The following RARRES1 variants were observed in gnomAD, a reference collection of about 807,000 sequenced individuals.
The protein encoded by RARRES1 is retinoic acid receptor responder protein 1.
RARRES1 carries 34 observed loss-of-function variants against 30.6 expected under a neutral mutation model. That is an observed-to-expected ratio of 1.11 (90% confidence interval 0.84 to 1.48). RARRES1 has a LOEUF of 1.48. RARRES1 is among the 40% of genes most tolerant of loss of function. RARRES1 has a pLI of 0.00. For synonymous variants in RARRES1, 153 were observed against 155.5 expected (o/e 0.98, Z 0.12); for missense variants, 373 against 386.5 (o/e 0.97, Z 0.29).
intron 3 of RARRES1, chr3:158,705,519 T>C (rs1179140839): frequency 6.6e-6 from 1 of 152,336 alleles, no homozygotes; most frequent in Non-Finnish European, 1.5e-5. Context: ...CTCTTCACAG[T>C]AGCCTTGAAT....
chr3:158,702,357 T>C (rs1726762137), intron 4 of RARRES1, among the ~76,000 whole-genome samples: 1 of 152,206 alleles, frequency 6.6e-6, no homozygotes, highest in South Asian at 2.1e-4. Flanking sequence ...GCTTTTTAAC[T>C]TTCTAGTTAC....
intron 3 of RARRES1, among the ~76,000 whole-genome samples, chr3:158,708,008 C>T (rs1726980969): frequency 6.6e-6 from 1 of 152,148 alleles, no homozygotes; most frequent in Admixed American, 6.5e-5. Flanking sequence ...GGAGCTGTGA[C>T]TATTTTTACA....
At position 158,704,205 on chromosome 3, in the gene RARRES1, C is replaced by T. The variant is rs1038287764; in HGVS notation, c.672+586G>A. Among the ~76,000 whole-genome samples the T allele has an allele frequency of 6.4e-4, 89 of 139,130 alleles. 1 individual carries two copies. Among genetic ancestry groups the T allele is most frequent in the African/African-American group, 2.4e-3 (88 of 37,312 alleles). 91.3% of individuals were successfully genotyped at this position (139,130 alleles called of 152,430 possible). ...CCACCAGGCCTTGCCTAGAATATTG[C>T]AATACTTTTTTTTTTTTTTTTTTTT... is the stretch of plus-strand genomic sequence containing the variant. On this transcript the variant is annotated intron_variant, in intron 4 of 5. Transcript: ENST00000237696.
At chr3:158,724,205 G>A (rs1197276634) in intron 1 of RARRES1, among the ~76,000 whole-genome samples, 2 of 152,166 alleles carry the variant, frequency 1.3e-5, no homozygotes, top group African/African-American at 2.4e-5. Context: ...GGCATATGTC[G>A]GGCAGAATGG....
intron 1 of RARRES1, among the ~76,000 whole-genome samples, chr3:158,722,881 C>CAAAAAA (rs140630533): frequency 9.1e-6 from 1 of 110,134 alleles, no homozygotes; most frequent in South Asian, 3.1e-4. Context: ...GACTCCATCT[C>CAAAAAA]AAAAAAAAAA....
At chr3:158,701,262 G>A (rs984342902) in intron 4 of RARRES1, among the ~76,000 whole-genome samples, 18 of 152,040 alleles carry the variant, frequency 1.2e-4, no homozygotes, top group African/African-American at 4.3e-4. Context: ...TCTTGGCACT[G>A]TCCTCATAGT....
chr3:158,731,354 G>A (rs1727880300), intron 1 of RARRES1, among the ~76,000 whole-genome samples: 1 of 152,202 alleles, frequency 6.6e-6, no homozygotes, highest in Admixed American at 6.5e-5. Context: ...TGTAGAAGGA[G>A]CAACTTTGCT....
intron 1 of RARRES1, among the ~76,000 whole-genome samples, chr3:158,718,775 C>T (rs1727405689): frequency 6.6e-6 from 1 of 152,208 alleles, no homozygotes; most frequent in Non-Finnish European, 1.5e-5. Context: ...TGGTCTTGCC[C>T]AGGGATGCTC....
At chr3:158,716,158 T>A (rs2108144149) in intron 1 of RARRES1, among the ~76,000 whole-genome samples, 1 of 152,260 alleles carries the variant, frequency 6.6e-6, no homozygotes, top group African/African-American at 2.4e-5. Flanking sequence ...CGGAGGCCAT[T>A]CATGAGATGA....
chr3:158,732,377 G>C lies in RARRES1; in HGVS notation c.39C>G (p.Ser13=). ...CGGTGGGGCGCGGGCCCCTGGGCCC[G>C]GACCAGGGAGCAGGCAGCCGTTGCC... The part of the protein sequence containing the change: ...PRRQRLPAPW[S]GPRGPRPTAP... Residue 13 remains serine (S), a synonymous_variant, in exon 1 of 6, where the codon TCC becomes TCG. Transcript: ENST00000237696. 1 of 1,494,890 alleles carries C rather than the reference G, an allele frequency of 6.7e-7. No homozygotes were observed. Among genetic ancestry groups the C allele is most frequent in the Non-Finnish European group, 8.9e-7 (1 of 1,128,128 alleles). 92.6% of individuals were successfully genotyped at this position (1,494,890 alleles called of 1,614,324 possible).
At chr3:158,705,668 T>C (rs1726896946) in intron 3 of RARRES1, 1 of 152,214 alleles carries the variant, frequency 6.6e-6, no homozygotes, top group Admixed American at 6.5e-5. Flanking sequence ...CCTTCTGGTT[T>C]AGGTCTACAG....
intron 1 of RARRES1, among the ~76,000 whole-genome samples, chr3:158,717,405 C>A (rs78847582): frequency 6.6e-6 from 1 of 152,248 alleles, no homozygotes; most frequent in Middle Eastern, 3.4e-3. Flanking sequence ...GAGAATTGGT[C>A]TAGTCTAGGG....
At chr3:158,700,225 A>G (rs6779431) in intron 4 of RARRES1, among the ~76,000 whole-genome samples, 80,266 of 143,802 alleles carry the variant, frequency 0.56, 22,004 homozygotes, top group African/African-American at 0.66. Context: ...GTGTGTGTGT[A>G]TATATATATA....
chr3:158,732,182 G>T lies in RARRES1; in HGVS notation c.234C>A (p.Ser78Arg). The T allele has an allele frequency of 7.1e-7, 1 of 1,417,004 alleles. No homozygotes were observed. The highest frequency in any genetic ancestry group is 9.2e-7 in the Non-Finnish European group (1 of 1,091,812). The allele number at this position is 1,417,004 out of a possible 1,614,324, so 87.8% of individuals were successfully genotyped here. A position where few individuals can be genotyped will look rare whatever the true frequency, so the allele number is the denominator to read the frequency against. Residue 78 changes from serine (S) to arginine (R), a missense_variant, in exon 1 of 6, where the codon AGC becomes AGA. Transcript: ENST00000237696. ...GCACCTCGGCCAGCACTCGTAGCGC[G>T]CTGGGCGAGCCGGACCGGAAGTTGA... is the stretch of plus-strand genomic sequence containing the variant. ...HFFNFRSGSP[S>R]ALRVLAEVQE...
At chr3:158,704,003 C>T (rs1726821606) in intron 4 of RARRES1, among the ~76,000 whole-genome samples, 1 of 152,060 alleles carries the variant, frequency 6.6e-6, no homozygotes, top group Admixed American at 6.6e-5. Flanking sequence ...CTCCTATAAG[C>T]TTCCCCAATC....
intron 1 of RARRES1, among the ~76,000 whole-genome samples, chr3:158,720,268 G>GTGTGTGTGTGTA (rs1210592268): frequency 7.0e-6 from 1 of 143,316 alleles, no homozygotes; most frequent in African/African-American, 2.6e-5. Flanking sequence ...GTGTGTGTAT[G>GTGTGTGTGTGTA]TGTGTGAGAG....
At chr3:158,716,046 G>C (rs1727312709) in intron 1 of RARRES1, among the ~76,000 whole-genome samples, 1 of 152,228 alleles carries the variant, frequency 6.6e-6, no homozygotes, top group Non-Finnish European at 1.5e-5. Context: ...GCACCTGGGA[G>C]TCTGCCTGTC....
At position 158,732,402 on chromosome 3, in the gene RARRES1, C is replaced by T. The variant is rs1559879033; in HGVS notation, c.14G>A (p.Arg5Gln). 5.3e-6 allele frequency: 8 copies of T among 1,510,466 alleles called. No individual in the cohort carries two copies. Among genetic ancestry groups the T allele is most frequent in the East Asian group, 5.3e-5 (2 of 37,784 alleles). 93.6% of individuals were successfully genotyped at this position (1,510,466 alleles called of 1,614,324 possible). MQPRRQRLPAPWSGP... is the reference protein window; with the variant it reads MQPRQQRLPAPWSGP... Reference sequence around the variant, plus strand: ...GGACCAGGGAGCAGGCAGCCGTTGCCGGCGGGGCTGCATGGACGCAGGAAA... The same window carrying T: ...GGACCAGGGAGCAGGCAGCCGTTGCTGGCGGGGCTGCATGGACGCAGGAAA... Residue 5 changes from arginine (R) to glutamine (Q), a missense_variant, in exon 1 of 6, where the codon CGG becomes CAG. By Grantham distance (43) the Arg-to-Gln change is conservative. Coordinates refer to ENST00000237696, the MANE Select transcript of RARRES1 (RefSeq NM_206963.2).
chr3:158,718,858 A>G (rs773398213), intron 1 of RARRES1, among the ~76,000 whole-genome samples: 48 of 152,326 alleles, frequency 3.2e-4, no homozygotes, highest in Non-Finnish European at 5.7e-4. Flanking sequence ...AAAGCCGTGA[A>G]AAAAGTAAGT....
Sources: gnomAD v4.1 joint callset for allele counts (sites outside exome capture counted in the v4.1 genomes callset) on GRCh38, gnomAD v4.1.1 for gene constraint, MANE v1.5 for transcripts, NCBI Gene and HGNC (gene_info 2026-07-23, HGNC 2026-07-21) for gene names.